BNIPL: variants seen among roughly 807,000 people sequenced by gnomAD.
BNIPL encodes bcl-2/adenovirus E1B 19 kDa-interacting protein 2-like protein.
BNIPL carries 33 observed loss-of-function variants against 47.0 expected under a neutral mutation model. The ratio of observed to expected loss-of-function variants is 0.70; its 90% CI spans 0.53 to 0.94. The LOEUF (loss-of-function observed/expected upper bound fraction) is 0.94, where lower values mean the gene tolerates loss of function less well. BNIPL is among the 40% of genes least tolerant of loss of function. The pLI is 0.00. For synonymous variants in BNIPL, 145 were observed against 162.7 expected (o/e 0.89, Z 0.83); for missense variants, 404 against 445.2 (o/e 0.91, Z 0.83).
chr1:151,042,446 T>C (rs1476246550), intron 4 of BNIPL, among the ~76,000 whole-genome samples: 1 of 151,920 alleles, frequency 6.6e-6, no homozygotes, highest in Non-Finnish European at 1.5e-5. Context: ...TGGTGATTTG[T>C]TGATGACAAG....
At chr1:151,040,751 C>T (rs1181678346) in intron 4 of BNIPL, among the ~76,000 whole-genome samples, 2 of 147,260 alleles carry the variant, frequency 1.4e-5, no homozygotes, top group African/African-American at 2.5e-5. Flanking sequence ...GCCGAGATTG[C>T]GTCACTGCAC....
Position 151,047,455 on chromosome 1 carries a change from T to A in BNIPL, c.*768T>A, listed in dbSNP as rs1676072278. On this transcript the variant is annotated 3_prime_UTR_variant, in exon 10 of 10. Coordinates refer to ENST00000368931, the MANE Select transcript of BNIPL (RefSeq NM_138278.4). ...CTCATTAAATCTTGAAGAACCGCTG[T>A]ATGCCCTTTTTCCTTCTAAGTCATG... is the stretch of plus-strand genomic sequence containing the variant. 1 of 185,300 alleles carries A rather than the reference T, an allele frequency of 5.4e-6. No individual in the cohort carries two copies. Among genetic ancestry groups the A allele is most frequent in the Middle Eastern group, 2.3e-3 (1 of 438 alleles). The allele number at this position is 185,300 out of a possible 1,614,324, so 11.5% of individuals were successfully genotyped here.
At chr1:151,043,260 C>G (rs1369355318) in intron 5 of BNIPL, 72 bp from the exon 6 acceptor site, 1 of 1,514,246 alleles carries the variant, frequency 6.6e-7, no homozygotes, top group Non-Finnish European at 9.2e-7. Context: ...CAGAGTCCCT[C>G]AACTTAAACA....
At position 151,046,652 on chromosome 1, in the gene BNIPL, C is replaced by T. The variant is rs140332127; in HGVS notation, c.1039C>T (p.Leu347=). Residue 347 remains leucine, a splice_region_variant and synonymous_variant, in exon 10 of 10, where the codon CTG becomes TTG. Transcript: ENST00000368931. Reference sequence around the variant, plus strand: ...CTCCTCCCCCTCTCCCTCTCCTAGGCTGGACCGGGATCTCCATGGCTCAGG... The same window carrying T: ...CTCCTCCCCCTCTCCCTCTCCTAGGTTGGACCGGGATCTCCATGGCTCAGG... ...QVHIPEAVRQ[L]DRDLHGSGGT The T allele has an allele frequency of 7.0e-5, 112 of 1,606,896 alleles. No homozygotes were observed. The highest frequency in any genetic ancestry group is 5.7e-4 in the Admixed American group (34 of 59,962).
intron 7 of BNIPL, 85 bp downstream of exon 7, chr1:151,043,812 T>G: frequency 1.4e-6 from 2 of 1,434,356 alleles, no homozygotes; most frequent in Non-Finnish European, 1.9e-6. Flanking sequence ...CATTTAGTCC[T>G]TTTCCTATTT....
chr1:151,043,122 A>T lies in BNIPL; in HGVS notation c.600A>T (p.Lys200Asn). 6.2e-7 allele frequency: 1 copy of T among 1,613,212 alleles called. No individual in the cohort carries two copies. Among genetic ancestry groups the T allele is most frequent in the Non-Finnish European group, 8.5e-7 (1 of 1,179,564 alleles). ...TGACTGTCATTGAGCCCTATAAGAA[A>T]GTCCTGTCTCATGGAGGTAATGGCT... ...VDMTVIEPYKKVLSHGGYHGD... is the reference protein window; with the variant it reads ...VDMTVIEPYKNVLSHGGYHGD... The change falls in exon 5 of 10, where the codon AAA becomes AAT. Residue 200 changes from lysine to asparagine, a missense_variant. Transcript: ENST00000368931.
intron 7 of BNIPL, among the ~76,000 whole-genome samples, chr1:151,045,266 CAAAAAA>C (rs35529687): frequency 1.5e-4 from 8 of 52,350 alleles, no homozygotes; most frequent in African/African-American, 3.6e-4. Flanking sequence ...GATTCCATCT[CAAAAAA>C]AAAAAAAAAA....
At position 151,038,715 on chromosome 1, in the gene BNIPL, C is replaced by T. The variant is rs1675714047; in HGVS notation, c.203-81C>T. 3 of 1,551,400 alleles carry T rather than the reference C, an allele frequency of 1.9e-6. No homozygotes were observed. The South Asian group carries it at 3.7e-5, about 19-fold the overall frequency. ...CTTCAGCATTCACCCCATATTATCA[C>T]TTTCACATACAGGAATTCTAGCCCT... On this transcript the variant is annotated intron_variant, in intron 3 of 9. Coordinates refer to ENST00000368931, the MANE Select transcript of BNIPL (RefSeq NM_138278.4).
intron 2 of BNIPL, among the ~76,000 whole-genome samples, 163 bp downstream of exon 2, chr1:151,037,825 A>C (rs1295634956): frequency 6.6e-6 from 1 of 151,498 alleles, no homozygotes; most frequent in Non-Finnish European, 1.5e-5. Flanking sequence ...ACACGGTGAA[A>C]TCCCGTCTCT....
At position 151,037,580 on chromosome 1, in the gene BNIPL, G is replaced by A; in HGVS notation, c.55G>A (p.Ala19Thr). ...GGGCTGTCTTAGGGTCAGGGAGATT[G>A]CAGAAGCACCAGAACTAGGAGCAGC... is the stretch of plus-strand genomic sequence containing the variant. Reference protein sequence around the residue: ...KKTDVGVREIAEAPELGAALR... With the variant: ...KKTDVGVREITEAPELGAALR... The change falls in exon 2 of 10, where the codon GCA becomes ACA. Residue 19 changes from alanine to threonine, a missense_variant. By Grantham distance (58) the Ala-to-Thr change is moderately conservative. Transcript: ENST00000368931. The A allele has an allele frequency of 6.2e-7, 1 of 1,606,328 alleles. No homozygotes were observed. The highest frequency in any genetic ancestry group is 8.5e-7 in the Non-Finnish European group (1 of 1,176,174).
At chr1:151,043,176 C>T in intron 5 of BNIPL, 38 bp downstream of exon 5, 1 of 1,583,800 alleles carries the variant, frequency 6.3e-7, no homozygotes, top group Non-Finnish European at 8.7e-7. Context: ...AGAGCTATGG[C>T]TTCTTAATAA....
chr1:151,045,652 C>T lies in BNIPL; in HGVS notation c.852-145C>T, dbSNP rs72706565. 87 of 1,402,250 alleles carry T rather than the reference C, an allele frequency of 6.2e-5. No homozygotes were observed. In the East Asian group the frequency reaches 7.8e-4, roughly 13 times the overall value. The allele number at this position is 1,402,250 out of a possible 1,614,324, so 86.9% of individuals were successfully genotyped here. ...TGGGTGGAGCTGAGATTACAGCTGACGGAATGGGGATTAGACCCAAGTACC... is the reference window on the plus strand; with the variant it reads ...TGGGTGGAGCTGAGATTACAGCTGATGGAATGGGGATTAGACCCAAGTACC... On this transcript the variant is annotated intron_variant, in intron 7 of 9. Coordinates refer to ENST00000368931, the MANE Select transcript of BNIPL (RefSeq NM_138278.4).
chr1:151,043,260 C>T (rs1369355318), intron 5 of BNIPL, 72 bp from the exon 6 acceptor site: 2 of 1,514,246 alleles, frequency 1.3e-6, no homozygotes, highest in Non-Finnish European at 1.8e-6. Context: ...CAGAGTCCCT[C>T]AACTTAAACA....
chr1:151,046,716 C>A lies in BNIPL; in HGVS notation c.*29C>A, dbSNP rs767913460. 1.6e-5 allele frequency: 24 copies of A among 1,545,570 alleles called. No individual in the cohort carries two copies. The Admixed American group carries it at 4.1e-4, about 26-fold the overall frequency. Reference sequence around the variant, plus strand: ...AGGACTGGATAAAAGGCCTTAGAACCAGTTAGTGATCTGCCTACACCTGAA... The same window carrying A: ...AGGACTGGATAAAAGGCCTTAGAACAAGTTAGTGATCTGCCTACACCTGAA... On this transcript the variant is annotated 3_prime_UTR_variant, in exon 10 of 10. Coordinates refer to ENST00000368931, the MANE Select transcript of BNIPL (RefSeq NM_138278.4).
intron 4 of BNIPL, among the ~76,000 whole-genome samples, chr1:151,040,844 A>G (rs1675796891): frequency 6.6e-6 from 1 of 151,226 alleles, no homozygotes; most frequent in Non-Finnish European, 1.5e-5. Flanking sequence ...TGCTATGGAA[A>G]GATCATGCAG....
chr1:151,044,866 C>T (rs1675950858), intron 7 of BNIPL: 1 of 1,288,370 alleles, frequency 7.8e-7, no homozygotes, highest in South Asian at 1.2e-5. Flanking sequence ...CCTTGCTGGT[C>T]TTCTTCCACC....
At chr1:151,040,115 A>G (rs1225922600) in intron 4 of BNIPL, among the ~76,000 whole-genome samples, 1 of 152,188 alleles carries the variant, frequency 6.6e-6, no homozygotes, top group African/African-American at 2.4e-5. Flanking sequence ...ATTGGAAACA[A>G]CCTAAAGATC....
chr1:151,038,693 C>T, intron 3 of BNIPL, 103 bp from the exon 4 acceptor site: 1 of 1,562,778 alleles, frequency 6.4e-7, no homozygotes, highest in Non-Finnish European at 8.7e-7. Context: ...AGTCCTTCTT[C>T]AGCATTCACC....
chr1:151,040,554 G>T (rs1675780764), intron 4 of BNIPL, among the ~76,000 whole-genome samples: 2 of 152,136 alleles, frequency 1.3e-5, no homozygotes, highest in South Asian at 4.1e-4. Flanking sequence ...CCAGCACTTT[G>T]GGAGGCTGAG....
Sources: allele counts gnomAD v4.1 joint callset (sites outside exome capture counted in the v4.1 genomes callset), GRCh38; gene constraint gnomAD v4.1.1; transcripts MANE v1.5; gene names NCBI Gene and HGNC (gene_info 2026-07-23, HGNC 2026-07-21).